The following RINT1 variants were observed in gnomAD, a reference collection of about 807,000 sequenced individuals.
The protein encoded by RINT1 is RAD50 interactor 1, also known as RAD50-interacting protein 1.
Under a neutral mutation model 97.7 loss-of-function variants are expected in RINT1, and 75 were observed. The observed-to-expected ratio is 0.77, with a 90% CI of 0.64 to 0.93. The LOEUF (loss-of-function observed/expected upper bound fraction) is 0.93. RINT1 is among the 40% of genes least tolerant of loss of function. The pLI, the probability that RINT1 is intolerant of heterozygous loss-of-function variation, is 0.00. For missense variants in RINT1, 892 were observed against 925.2 expected (o/e 0.96, Z 0.47); for synonymous variants, 303 against 326.3 (o/e 0.93, Z 0.77).
rs1208350576 is a variant in RINT1 at position 105,548,598 on chromosome 7, CT to C, written c.885del (p.Leu296PhefsTer15). 2 of 1,614,148 alleles carry C rather than the reference CT, an allele frequency of 1.2e-6. No homozygotes were observed. The highest frequency in any genetic ancestry group is 4.5e-5 in the East Asian group (2 of 44,874). ...TEPKQLPEKY[S>X]LPASPSVILP... ...CCAAAGCAACTCCCAGAAAAATACT[CT>C]CTTCCTGCCTCCCCTTCTGTCATCC... On this transcript the variant is annotated frameshift_variant, in exon 7 of 15. Coordinates refer to ENST00000257700, the MANE Select transcript of RINT1 (RefSeq NM_021930.6). LOFTEE classifies it high-confidence loss of function.
rs1356634921 is a variant in RINT1, at chr7:105,563,840, T to C, written c.1779T>C (p.Asp593=). The C allele has an allele frequency of 4.3e-6, 7 of 1,614,180 alleles. No individual in the cohort carries two copies. Among genetic ancestry groups the C allele is most frequent in the Non-Finnish European group, 5.9e-6 (7 of 1,179,994 alleles). The change falls in exon 12 of 15, where the codon GAT becomes GAC. Residue 593 remains aspartate (D), a synonymous_variant. Transcript: ENST00000257700. ...CCTCTATGGAGAGCTCTGTCTTTGA[T>C]GACATGATTAACCTCTTAGAACGTT... The part of the protein sequence containing the change: ...QLASMESSVF[D]DMINLLERLK...
chr7:105,546,751 C>T (rs1484383207), intron 4 of RINT1, among the ~76,000 whole-genome samples, 159 bp from the exon 5 acceptor site: 1 of 152,120 alleles, frequency 6.6e-6, no homozygotes, highest in East Asian at 1.9e-4. Flanking sequence ...GGGCGCATGC[C>T]TGTAATCCCA....
chr7:105,563,363 C>T (rs1004285271), intron 11 of RINT1, among the ~76,000 whole-genome samples: 1 of 152,076 alleles, frequency 6.6e-6, no homozygotes, highest in Admixed American at 6.6e-5. Context: ...TTGAATTATA[C>T]ACTATTATTA....
intron 3 of RINT1, among the ~76,000 whole-genome samples, 184 bp downstream of exon 3, chr7:105,536,933 A>G (rs993883603): frequency 8.5e-5 from 13 of 152,184 alleles, no homozygotes; most frequent in African/African-American, 2.9e-4. Context: ...GTAAAAGACA[A>G]AGTTCCTACT....
chr7:105,556,836 A>G (rs2133432773), intron 11 of RINT1, among the ~76,000 whole-genome samples: 1 of 152,344 alleles, frequency 6.6e-6, no homozygotes, highest in Admixed American at 6.5e-5. Context: ...AGATTTTCCA[A>G]TAGATGCTTC....
intron 4 of RINT1, 68 bp downstream of exon 4, chr7:105,542,717 G>A: frequency 6.8e-7 from 1 of 1,474,624 alleles, no homozygotes; most frequent in Non-Finnish European, 9.1e-7. Flanking sequence ...GAGAGTACAT[G>A]TGTGCCATTA....
At chr7:105,558,751 G>A (rs1791297550) in intron 11 of RINT1, among the ~76,000 whole-genome samples, 1 of 152,002 alleles carries the variant, frequency 6.6e-6, no homozygotes, top group Non-Finnish European at 1.5e-5. Flanking sequence ...CTTGAGCTCA[G>A]GAGTTGGAGA....
At chr7:105,564,466 G>T (rs1172753375) in intron 12 of RINT1, among the ~76,000 whole-genome samples, 1 of 152,126 alleles carries the variant, frequency 6.6e-6, no homozygotes, top group African/African-American at 2.4e-5. Context: ...ATCTGGGGTT[G>T]AATAGCCTAA....
At chr7:105,566,306 T>TAAAC (rs1477287091) in intron 14 of RINT1, 1 of 152,190 alleles carries the variant, frequency 6.6e-6, no homozygotes. Flanking sequence ...TTTGTTTCCT[T>TAAAC]AAACATTTGA....
intron 3 of RINT1, among the ~76,000 whole-genome samples, chr7:105,539,439 C>T (rs1187727097): frequency 6.7e-6 from 1 of 150,026 alleles, no homozygotes; most frequent in African/African-American, 2.5e-5. Context: ...TGGCTCACTG[C>T]AACCTCCACC....
Position 105,555,008 on chromosome 7 carries a change from C to G in RINT1, c.1472-20C>G, listed in dbSNP as rs1791113367. Reference sequence around the variant, plus strand: ...AGATGGTACCAAAACCTTCATATGTCTTAATAACTTTTTCCACAGACAGGT... The same window carrying G: ...AGATGGTACCAAAACCTTCATATGTGTTAATAACTTTTTCCACAGACAGGT... On this transcript the variant is annotated intron_variant, in intron 10 of 14. Transcript: ENST00000257700. The G allele has an allele frequency of 6.2e-7, 1 of 1,603,976 alleles. No homozygotes were observed. The highest frequency in any genetic ancestry group is 1.1e-5 in the South Asian group (1 of 90,620).
At chr7:105,566,982 A>T (rs910758466) in intron 14 of RINT1, 137 bp from the exon 15 acceptor site, 7 of 477,644 alleles carry the variant, frequency 1.5e-5, no homozygotes, top group African/African-American at 1.4e-4. Context: ...AAAGAACCAA[A>T]TAATAAATCC....
At chr7:105,564,027 T>G (rs1791572318) in intron 12 of RINT1, 80 bp downstream of exon 12, 2 of 995,902 alleles carry the variant, frequency 2.0e-6, no homozygotes, top group African/African-American at 3.2e-5. Context: ...TCAAGGTGTC[T>G]AGATAGAACC....
Position 105,563,765 on chromosome 7 carries a change from G to A in RINT1, c.1704G>A (p.Glu568=), listed in dbSNP as rs773397117. The part of the protein sequence containing the change: ...FFLQLQQAAL[E]VFAENNTLSK... The stretch of plus-strand genomic sequence containing the variant: ...TACAACTTCAACAGGCTGCACTGGA[G>A]GTGTTTGCAGAGAATAATACTCTGA... Residue 568 remains glutamate, a synonymous_variant, in exon 12 of 15, where the codon GAG becomes GAA. Transcript: ENST00000257700. 4 of 1,614,120 alleles carry A rather than the reference G, an allele frequency of 2.5e-6. No individual in the cohort carries two copies. Among genetic ancestry groups the A allele is most frequent in the South Asian group, 1.1e-5 (1 of 91,074 alleles).
chr7:105,555,362 G>A (rs1367867964), intron 11 of RINT1, 135 bp downstream of exon 11: 4 of 627,856 alleles, frequency 6.4e-6, no homozygotes, highest in Non-Finnish European at 1.0e-5. Context: ...ATTAAAAGGT[G>A]TAATTAAAAT....
chr7:105,554,075 T>C (rs1438320180), intron 10 of RINT1, among the ~76,000 whole-genome samples: 4 of 151,356 alleles, frequency 2.6e-5, no homozygotes, highest in African/African-American at 7.3e-5. Context: ...ATTTTTTGTA[T>C]TTTTAGTAGA....
Position 105,551,680 on chromosome 7 carries a change from T to C in RINT1, c.1444T>C (p.Phe482Leu), listed in dbSNP as rs1455268910. ...EMKVPDCAET[F>L]MTLLLVITDR... Reference sequence around the variant, plus strand: ...GAAAGTTCCAGATTGTGCAGAAACTTTTATGACTCTACTCTTGGTTATAAC... The same window carrying C: ...GAAAGTTCCAGATTGTGCAGAAACTCTTATGACTCTACTCTTGGTTATAAC... The change falls in exon 10 of 15, where the codon TTT (phenylalanine) becomes CTT (leucine). Residue 482 changes from phenylalanine to leucine, a missense_variant. Coordinates refer to ENST00000257700, the MANE Select transcript of RINT1 (RefSeq NM_021930.6). 5 of 1,610,280 alleles carry C rather than the reference T, an allele frequency of 3.1e-6. No individual in the cohort carries two copies. Among genetic ancestry groups the C allele is most frequent in the Non-Finnish European group, 8.5e-7 (1 of 1,178,432 alleles).
chr7:105,541,103 G>A (rs906621701), intron 3 of RINT1, among the ~76,000 whole-genome samples: 3 of 150,892 alleles, frequency 2.0e-5, no homozygotes, highest in African/African-American at 7.3e-5. Context: ...CTCCCAAAGT[G>A]CTGGGATTAC....
At chr7:105,567,023 A>G in intron 14 of RINT1, 96 bp from the exon 15 acceptor site, 1 of 631,718 alleles carries the variant, frequency 1.6e-6, no homozygotes, top group East Asian at 2.9e-5. Flanking sequence ...CATGTGGACC[A>G]GCAGTGCAGA....
Sources: allele counts gnomAD v4.1 joint callset (sites outside exome capture counted in the v4.1 genomes callset), GRCh38; gene constraint gnomAD v4.1.1; transcripts MANE v1.5; gene names NCBI Gene and HGNC (gene_info 2026-07-23, HGNC 2026-07-21).